ASTN2: variants seen among roughly 807,000 people sequenced by gnomAD.
ASTN2 encodes astrotactin-2.
In ASTN2, 54 loss-of-function variants were observed where a neutral mutation model predicts 139.8. The observed-to-expected ratio is 0.39, with a 90% confidence interval of 0.31 to 0.48. ASTN2 has a LOEUF of 0.48. ASTN2 is among the 20% of genes least tolerant of loss of function. The pLI is 0.95. For missense variants in ASTN2, 1,565 were observed against 1,725.1 expected (o/e 0.91, Z 1.64); for synonymous variants, 756 against 719.5 (o/e 1.05, Z -0.81).
At chr9:117,319,943 A>G (rs1828276126) in intron 1 of ASTN2, among the ~76,000 whole-genome samples, 2 of 152,178 alleles carry the variant, frequency 1.3e-5, no homozygotes, top group South Asian at 2.1e-4. Flanking sequence ...TAAGTCAACA[A>G]CATCAGAATT....
intron 3 of ASTN2, among the ~76,000 whole-genome samples, chr9:117,152,922 T>C (rs994878925): frequency 2.6e-5 from 4 of 152,140 alleles, no homozygotes; most frequent in African/African-American, 9.7e-5. Context: ...ACATGACAGT[T>C]ATTAGTTTAA....
At chr9:116,792,876 A>C (rs2132225703) in intron 13 of ASTN2, among the ~76,000 whole-genome samples, 1 of 152,250 alleles carries the variant, frequency 6.6e-6, no homozygotes, top group East Asian at 1.9e-4. Flanking sequence ...TCAGTTTAAC[A>C]CTTTGCTATT....
chr9:116,980,456 G>GC (rs1836481005), intron 7 of ASTN2, among the ~76,000 whole-genome samples: 1 of 151,454 alleles, frequency 6.6e-6, no homozygotes. Context: ...TCTGGTATAT[G>GC]TTTACATTTA....
At chr9:116,479,675 G>C (rs1049563311) in intron 20 of ASTN2, among the ~76,000 whole-genome samples, 1 of 152,214 alleles carries the variant, frequency 6.6e-6, no homozygotes, top group African/African-American at 2.4e-5. Context: ...TGTGTGTGTA[G>C]TGCTGTGAGG....
intron 5 of ASTN2, among the ~76,000 whole-genome samples, chr9:117,074,505 G>A (rs746815470): frequency 6.6e-6 from 1 of 152,178 alleles, no homozygotes; most frequent in African/African-American, 2.4e-5. Context: ...ACTAGCAGGC[G>A]AAGATGTGCA....
At chr9:117,403,877 C>G (rs1461174187) in intron 1 of ASTN2, among the ~76,000 whole-genome samples, 4 of 152,132 alleles carry the variant, frequency 2.6e-5, no homozygotes, top group Non-Finnish European at 5.9e-5. Context: ...AGAGAATGAG[C>G]AGACATCAAT....
chr9:117,171,176 A>G (rs1830784025), intron 3 of ASTN2, among the ~76,000 whole-genome samples: 1 of 152,028 alleles, frequency 6.6e-6, no homozygotes, highest in African/African-American at 2.4e-5. Context: ...AAAGAAAAGA[A>G]AAGAAAAAAT....
At position 117,186,439 on chromosome 9, in the gene ASTN2, C is replaced by T. The variant is rs1048928021; in HGVS notation, c.1015+27919G>A. Among the ~76,000 whole-genome samples the T allele has an allele frequency of 5.9e-5, 9 of 151,838 alleles. No homozygotes were observed. In the South Asian group the frequency reaches 8.3e-4, roughly 14 times the overall value. On this transcript the variant is annotated intron_variant, in intron 3 of 22. Coordinates refer to ENST00000313400, the MANE Select transcript of ASTN2 (RefSeq NM_001365068.1). ...GCGGGCGCCTGTAGTCCCAGCTACT[C>T]GGGAGGCTGAAGCAGGAGAATGGTG...
At chr9:116,595,475 C>T (rs557034553) in intron 19 of ASTN2, among the ~76,000 whole-genome samples, 2 of 152,186 alleles carry the variant, frequency 1.3e-5, no homozygotes, top group African/African-American at 4.8e-5. Flanking sequence ...TACAGGGGCG[C>T]ACCACCATGC....
chr9:116,974,931 T>C (rs555845349), intron 10 of ASTN2, among the ~76,000 whole-genome samples: 2 of 152,310 alleles, frequency 1.3e-5, no homozygotes, highest in South Asian at 4.1e-4. Context: ...TAAGTAAAGA[T>C]AAGATCATTA....
chr9:116,565,160 C>T (rs1345426623), intron 19 of ASTN2, among the ~76,000 whole-genome samples: 1 of 150,414 alleles, frequency 6.6e-6, no homozygotes, highest in Non-Finnish European at 1.5e-5. Context: ...TATACACATG[C>T]ATGTATATAT....
At chr9:116,910,210 T>C (rs1023364299) in intron 10 of ASTN2, among the ~76,000 whole-genome samples, 1 of 146,802 alleles carries the variant, frequency 6.8e-6, no homozygotes, top group Non-Finnish European at 1.5e-5. Context: ...TAGAATTGAA[T>C]ATTTATTTAG....
chr9:116,976,758 G>T lies in ASTN2; in HGVS notation c.1619C>A (p.Ala540Asp), dbSNP rs1036869267. The change falls in exon 8 of 23, where the codon GCC becomes GAC. Residue 540 changes from alanine to aspartate, a missense_variant. Physicochemically the swap from Ala to Asp is moderately radical, Grantham distance 126. Coordinates refer to ENST00000313400, the MANE Select transcript of ASTN2 (RefSeq NM_001365068.1). ...CAGGTGTCTGTGAACAGGGTCAGGG[G>T]CATAGCCTTCATGACAGCTGCACTC... Reference protein sequence around the residue: ...TGECSCHEGYAPDPVHRHLCV... With the variant: ...TGECSCHEGYDPDPVHRHLCV... The T allele has an allele frequency of 1.2e-5, 20 of 1,614,024 alleles. No individual in the cohort carries two copies. Among genetic ancestry groups the T allele is most frequent in the Non-Finnish European group, 1.4e-5 (16 of 1,179,950 alleles).
intron 4 of ASTN2, among the ~76,000 whole-genome samples, chr9:117,106,729 T>C (rs772879486): frequency 6.6e-6 from 1 of 152,176 alleles, no homozygotes; most frequent in East Asian, 1.9e-4. Flanking sequence ...CTAGGTTTCA[T>C]TGTCTTGTTA....
chr9:117,299,465 G>A (rs1161370690), intron 1 of ASTN2, among the ~76,000 whole-genome samples: 1 of 152,168 alleles, frequency 6.6e-6, no homozygotes, highest in East Asian at 1.9e-4. Context: ...TCATGGAGGA[G>A]TCTCAAAGAA....
intron 5 of ASTN2, among the ~76,000 whole-genome samples, chr9:117,054,908 A>G (rs1411808847): frequency 6.6e-6 from 1 of 152,158 alleles, no homozygotes; most frequent in Non-Finnish European, 1.5e-5. Flanking sequence ...TCCACCTCAG[A>G]TCAAGTATTA....
At chr9:117,251,341 C>T (rs1376051243) in intron 2 of ASTN2, among the ~76,000 whole-genome samples, 1 of 151,788 alleles carries the variant, frequency 6.6e-6, no homozygotes, top group Non-Finnish European at 1.5e-5. Context: ...AATAGAACCA[C>T]CTGTCATTCT....
At chr9:117,033,899 A>T (rs780136655) in intron 6 of ASTN2, among the ~76,000 whole-genome samples, 1 of 152,140 alleles carries the variant, frequency 6.6e-6, no homozygotes, top group Non-Finnish European at 1.5e-5. Context: ...TTTGTGTGCT[A>T]CTCAATAGAT....
chr9:116,513,756 T>G (rs1356255048), intron 19 of ASTN2, among the ~76,000 whole-genome samples: 3 of 152,178 alleles, frequency 2.0e-5, no homozygotes, highest in Admixed American at 6.5e-5. Context: ...CATTTGATCT[T>G]CAATCACTGA....
Sources: gnomAD v4.1 joint callset for allele counts (sites outside exome capture counted in the v4.1 genomes callset) on GRCh38, gnomAD v4.1.1 for gene constraint, MANE v1.5 for transcripts, NCBI Gene and HGNC (gene_info 2026-07-23, HGNC 2026-07-21) for gene names.